The following PHF8 variants were observed in gnomAD, a reference collection of about 807,000 sequenced individuals.
PHF8 encodes the protein PHD finger protein 8.
In PHF8, 9 loss-of-function variants were observed where a neutral mutation model predicts 74.4. That is an observed-to-expected ratio of 0.12 (90% CI 0.07 to 0.21). The LOEUF (loss-of-function observed/expected upper bound fraction) is 0.21, where lower values mean the gene tolerates loss of function less well. Ranked by LOEUF, PHF8 falls within the 10% of genes least tolerant of loss-of-function variation. The probability of loss-of-function intolerance (pLI) is 1.00; values close to 1 mark genes in which losing one functional copy is unlikely to be tolerated. For synonymous variants in PHF8, 311 were observed against 316.6 expected (o/e 0.98, Z 0.19); for missense variants, 478 against 816.6 (o/e 0.59, Z 5.05).
intron 18 of PHF8, among the ~76,000 whole-genome samples, chrX:53,965,309 C>G (rs189031904): frequency 8.9e-6 from 1 of 112,160 alleles, no homozygotes; most frequent in Non-Finnish European, 1.9e-5. Flanking sequence ...GTCAGAACAA[C>G]TTTTATGGAA....
At chrX:53,991,795 G>A (rs2065668854) in intron 14 of PHF8, among the ~76,000 whole-genome samples, 2 of 110,454 alleles carry the variant, frequency 1.8e-5, no homozygotes, top group Admixed American at 9.7e-5. Flanking sequence ...CTGAGTCTAG[G>A]AGTTAGAGCT....
intron 8 of PHF8, among the ~76,000 whole-genome samples, chrX:54,007,031 A>G (rs1442024218): frequency 9.0e-6 from 1 of 111,601 alleles, no homozygotes; most frequent in Non-Finnish European, 1.9e-5. Flanking sequence ...AAAACTTACT[A>G]CAAATGTACA....
intron 19 of PHF8, among the ~76,000 whole-genome samples, chrX:53,954,642 G>GATAT (rs10544503): frequency 1.5e-4 from 14 of 92,875 alleles, no homozygotes; most frequent in Middle Eastern, 5.3e-3. Flanking sequence ...CTGGGTGACA[G>GATAT]ATATATATAT....
At chrX:53,962,734 T>A in intron 19 of PHF8, 110 bp downstream of exon 19, 1 of 551,363 alleles carries the variant, frequency 1.8e-6, no homozygotes, top group Non-Finnish European at 3.3e-6. Flanking sequence ...GTTTGCTGAA[T>A]AAACAAATGA....
Position 53,942,852 on chromosome X carries a change from T to C in PHF8, c.2649+1282A>G, listed in dbSNP as rs1383736209. 8.0e-6 allele frequency: 6 copies of C among 747,178 alleles called. No homozygotes were observed. The East Asian group carries it at 9.1e-4, about 114-fold the overall frequency. 61.6% of individuals were successfully genotyped at this position (747,178 alleles called of 1,213,427 possible). A position where few individuals can be genotyped will look rare whatever the true frequency, so the allele number is the denominator to read the frequency against. ...ATATACTCACTGAGGGGACTATGAG[T>C]ATTGCAGTGCACTATGGCTGTATAA... On this transcript the variant is annotated intron_variant, in intron 20 of 21. Coordinates refer to ENST00000338154, the MANE Select transcript of PHF8 (RefSeq NM_015107.3).
intron 19 of PHF8, among the ~76,000 whole-genome samples, chrX:53,946,438 T>C (rs782399641): frequency 1.2e-4 from 14 of 112,146 alleles, no homozygotes; most frequent in Middle Eastern, 9.2e-3. Context: ...AGGAAACAGG[T>C]ACAGAAAAAC....
intron 19 of PHF8, among the ~76,000 whole-genome samples, chrX:53,955,992 T>C (rs1315247003): frequency 9.0e-6 from 1 of 111,248 alleles, no homozygotes; most frequent in Non-Finnish European, 1.9e-5. Context: ...ACACCTGTAA[T>C]TCTCAGCACT....
chrX:54,020,127 A>G (rs2066144115), intron 4 of PHF8, among the ~76,000 whole-genome samples: 1 of 112,202 alleles, frequency 8.9e-6, no homozygotes. Context: ...CGGAGGTTGC[A>G]GTGAGCCGAG....
chrX:54,021,437 A>G (rs1376142900), intron 4 of PHF8, among the ~76,000 whole-genome samples: 2 of 107,161 alleles, frequency 1.9e-5, no homozygotes, highest in Non-Finnish European at 3.8e-5. Flanking sequence ...CCTGAATCTA[A>G]AATCAAAGTT....
At chrX:53,993,074 G>A (rs917429777) in intron 13 of PHF8, 17 of 399,070 alleles carry the variant, frequency 4.3e-5, no homozygotes, top group African/African-American at 4.1e-4. Context: ...AAAAAAGAGG[G>A]GGCACATCTT....
intron 8 of PHF8, among the ~76,000 whole-genome samples, chrX:54,003,007 G>A (rs782524406): frequency 1.9e-4 from 21 of 112,135 alleles, no homozygotes; most frequent in South Asian, 7.4e-4. Context: ...AGCAAAAGCA[G>A]ATCTGGGGTT....
At chrX:53,995,918 G>GA (rs2065739283) in intron 11 of PHF8, 136 bp from the exon 12 acceptor site, 2 of 403,606 alleles carry the variant, frequency 5.0e-6, no homozygotes, top group Non-Finnish European at 4.3e-6. Flanking sequence ...ATATCCACAT[G>GA]CAAAAAAAAA....
chrX:53,986,778 A>T (rs943521789), intron 16 of PHF8, among the ~76,000 whole-genome samples: 7 of 110,068 alleles, frequency 6.4e-5, no homozygotes, highest in Admixed American at 9.8e-5. Context: ...ACAAAAAAAA[A>T]TTTTTTTTAA....
chrX:54,037,625 A>G (rs1280825272), intron 2 of PHF8, among the ~76,000 whole-genome samples: 1 of 112,441 alleles, frequency 8.9e-6, no homozygotes, highest in African/African-American at 3.2e-5. Flanking sequence ...GATAATAAAG[A>G]AATACTATGA....
chrX:53,982,749 G>A (rs1557098414), intron 18 of PHF8, among the ~76,000 whole-genome samples: 2 of 111,534 alleles, frequency 1.8e-5, no homozygotes, highest in African/African-American at 6.5e-5. Context: ...CTACTGATGT[G>A]GAAAAAAATA....
At chrX:53,942,923 G>C in intron 20 of PHF8, 1 of 753,110 alleles carries the variant, frequency 1.3e-6, no homozygotes, top group Non-Finnish European at 1.6e-6. Context: ...GATGACTAGA[G>C]ACCAAATCAA....
rs782157967 is a variant in PHF8 at position 53,955,136 on chromosome X, T to C, written c.2539+7708A>G. 3.6e-5 allele frequency among the ~76,000 whole-genome samples: 4 copies of C among 112,198 alleles called. No homozygotes were observed. The East Asian group carries it at 8.3e-4, about 23-fold the overall frequency. ...CTTCTTGATTTTTGGATAGCTGGTA[T>C]ATATCCAATGATTTACCCAATTTAC... On this transcript the variant is annotated intron_variant, in intron 19 of 21. Coordinates refer to ENST00000338154, the MANE Select transcript of PHF8 (RefSeq NM_015107.3).
intron 18 of PHF8, among the ~76,000 whole-genome samples, chrX:53,976,087 G>A (rs932246351): frequency 8.5e-4 from 94 of 110,621 alleles, no homozygotes; most frequent in African/African-American, 3.1e-3. Flanking sequence ...GGCCAAGGAG[G>A]GCGATCACTT....
chrX:53,956,489 T>C (rs1315588005), intron 19 of PHF8, among the ~76,000 whole-genome samples: 3 of 111,637 alleles, frequency 2.7e-5, no homozygotes, highest in Non-Finnish European at 3.8e-5. Flanking sequence ...CTCAGTACCA[T>C]ATATTAAGCA....
Sources: allele counts gnomAD v4.1 joint callset (sites outside exome capture counted in the v4.1 genomes callset), GRCh38; gene constraint gnomAD v4.1.1; transcripts MANE v1.5; gene names NCBI Gene and HGNC (gene_info 2026-07-23, HGNC 2026-07-21).